MYO5B: variants seen among roughly 807,000 people sequenced by gnomAD.
MYO5B encodes myosin VB, also known as unconventional myosin-Vb.
Under a neutral mutation model 229.3 loss-of-function variants are expected in MYO5B, and 143 were observed. That is an observed-to-expected ratio of 0.62 (90% CI 0.54 to 0.72). The LOEUF (loss-of-function observed/expected upper bound fraction) is 0.72. Ranked by LOEUF, MYO5B falls within the 30% of genes least tolerant of loss-of-function variation. The probability of loss-of-function intolerance (pLI) is 0.00; values close to 1 mark genes in which losing one functional copy is unlikely to be tolerated. For synonymous variants in MYO5B, 918 were observed against 885.2 expected, an observed-to-expected ratio of 1.04 and a Z score of -0.66; for missense variants, 2,321 against 2,331.0, an observed-to-expected ratio of 1.00 and a Z score of 0.09.
rs137974975 is a variant in MYO5B at position 49,906,680 on chromosome 18, T to TA, written c.2203-51dup. The TA allele has an allele frequency of 3.8e-3, 5,717 of 1,502,562 alleles. 190 individuals carry two copies. In the African/African-American group the frequency reaches 0.071, roughly 19 times the overall value. 93.1% of individuals were successfully genotyped at this position (1,502,562 alleles called of 1,614,324 possible). On this transcript the variant is annotated intron_variant, in intron 18 of 39. Coordinates refer to ENST00000285039, the MANE Select transcript of MYO5B (RefSeq NM_001080467.3). ...GGTTGGTCACCAGTGAGCAGAGAAA[T>TA]AACATGGCCCATACCACCCTTGTTC...
intron 1 of MYO5B, among the ~76,000 whole-genome samples, chr18:50,060,498 C>T (rs1238386277): frequency 6.6e-6 from 1 of 152,164 alleles, no homozygotes; most frequent in South Asian, 2.1e-4. Flanking sequence ...TGTCACTATC[C>T]TATTTTAACA....
chr18:50,063,531 A>G (rs2030741225), intron 1 of MYO5B, among the ~76,000 whole-genome samples: 3 of 152,170 alleles, frequency 2.0e-5, no homozygotes, highest in African/African-American at 7.2e-5. Context: ...CATAATATAC[A>G]CAGACGGGGA....
chr18:50,127,338 T>A (rs2032180977), intron 1 of MYO5B, among the ~76,000 whole-genome samples: 1 of 152,200 alleles, frequency 6.6e-6, no homozygotes, highest in African/African-American at 2.4e-5. Flanking sequence ...TGGTCTGTAA[T>A]CCCAGCAGCC....
rs199498650 is a variant in MYO5B, at chr18:49,880,454, C to A, written c.3047G>T (p.Arg1016Leu). Residue 1016 changes from arginine (R) to leucine (L), a missense_variant and splice_region_variant, in exon 23 of 40, where the codon CGA becomes CTA. Coordinates refer to ENST00000285039, the MANE Select transcript of MYO5B (RefSeq NM_001080467.3). ...HSREKDELRK[R>L]VADLEQENAL... ...ATTTTCTTGCTCCAGGTCTGCAACT[C>A]GCTGGAAGAGAGCAATAGGGGAAAA... 1.2e-6 allele frequency: 2 copies of A among 1,613,634 alleles called. No individual in the cohort carries two copies. Among genetic ancestry groups the A allele is most frequent in the South Asian group, 2.2e-5 (2 of 91,058 alleles).
chr18:50,037,047 T>C, intron 3 of MYO5B, 53 bp from the exon 4 acceptor site: 2 of 1,608,868 alleles, frequency 1.2e-6, no homozygotes, highest in Admixed American at 1.7e-5. Flanking sequence ...CACCTGGCAT[T>C]ATTAGCTCAA....
At chr18:50,059,495 G>C (rs755755996) in intron 1 of MYO5B, among the ~76,000 whole-genome samples, 2 of 152,208 alleles carry the variant, frequency 1.3e-5, no homozygotes, top group Non-Finnish European at 2.9e-5. Context: ...CTTCCATGAT[G>C]TTGAAAAGGA....
chr18:50,013,803 T>C (rs906834886), intron 4 of MYO5B, among the ~76,000 whole-genome samples: 1 of 152,190 alleles, frequency 6.6e-6, no homozygotes, highest in African/African-American at 2.4e-5. Flanking sequence ...CTCACTTGCT[T>C]CACAGAGACG....
intron 1 of MYO5B, among the ~76,000 whole-genome samples, chr18:50,122,569 G>A (rs1362730350): frequency 7.4e-6 from 1 of 135,108 alleles, no homozygotes; most frequent in African/African-American, 2.7e-5. Context: ...CTCCAGCCTG[G>A]GGGAGAGGGA....
At chr18:50,030,034 T>G (rs939696839) in intron 4 of MYO5B, among the ~76,000 whole-genome samples, 8 of 152,194 alleles carry the variant, frequency 5.3e-5, no homozygotes, top group African/African-American at 1.9e-4. Flanking sequence ...AACATTATTT[T>G]ATTTAAAACT....
intron 1 of MYO5B, among the ~76,000 whole-genome samples, chr18:50,140,069 G>T (rs919613572): frequency 1.3e-5 from 2 of 152,170 alleles, no homozygotes; most frequent in Admixed American, 6.5e-5. Flanking sequence ...TAACAAAGTG[G>T]CAGCCAATAC....
chr18:50,083,133 A>G (rs565675012), intron 1 of MYO5B, among the ~76,000 whole-genome samples: 13 of 152,236 alleles, frequency 8.5e-5, no homozygotes, highest in Non-Finnish European at 1.3e-4. Flanking sequence ...CATAAAGAAC[A>G]TAATTCAGGA....
At chr18:50,076,960 A>G (rs1340967621) in intron 1 of MYO5B, among the ~76,000 whole-genome samples, 2 of 151,946 alleles carry the variant, frequency 1.3e-5, no homozygotes, top group Non-Finnish European at 2.9e-5. Context: ...TATAAAATAA[A>G]ATTTTGGCAA....
intron 14 of MYO5B, among the ~76,000 whole-genome samples, chr18:49,945,300 C>T (rs910738526): frequency 1.3e-5 from 2 of 152,134 alleles, no homozygotes; most frequent in African/African-American, 2.4e-5. Flanking sequence ...CTCTTCTTTC[C>T]TCTAGGTGTT....
intron 17 of MYO5B, among the ~76,000 whole-genome samples, chr18:49,924,843 C>G (rs1363136892): frequency 1.3e-5 from 2 of 152,186 alleles, no homozygotes; most frequent in Non-Finnish European, 2.9e-5. Flanking sequence ...GCACCCATCC[C>G]TATAGATAAC....
chr18:50,072,251 AAACT>A (rs1468312709), intron 1 of MYO5B, among the ~76,000 whole-genome samples: 2 of 152,226 alleles, frequency 1.3e-5, no homozygotes, highest in African/African-American at 4.8e-5. Flanking sequence ...GAAAAAAAAA[AAACT>A]AACATTTAGC....
intron 11 of MYO5B, among the ~76,000 whole-genome samples, chr18:49,962,618 A>C (rs2025572836): frequency 6.6e-6 from 1 of 152,074 alleles, no homozygotes; most frequent in African/African-American, 2.4e-5. Context: ...GCACTTTAAC[A>C]ATCACCTGAG....
In MYO5B at chr18:49,953,339, T is replaced by A. The variant is rs1341883130; in HGVS notation, c.1673A>T (p.Glu558Val). Residue 558 changes from glutamate (E) to valine (V), a missense_variant, in exon 14 of 40, where the codon GAG (glutamate) becomes GTG (valine). Around this residue, in one of 2 missense-constraint regions of MYO5B, gnomAD observed 2,113 missense variants for 2,044.7 expected, o/e 1.03. Transcript: ENST00000285039. The stretch of plus-strand genomic sequence containing the variant: ...CTCCAGAAAACCATCAGAGAGGTAC[T>A]CCACCTGGGGCCACAGCAACCAGAG... ...FIIVHFADKV[E>V]YLSDGFLEKN... is the part of the protein sequence containing the mutation. 6.2e-7 allele frequency: 1 copy of A among 1,614,098 alleles called. No homozygotes were observed. Among genetic ancestry groups the A allele is most frequent in the South Asian group, 1.1e-5 (1 of 91,078 alleles).
chr18:50,077,321 G>A (rs1009720184), intron 1 of MYO5B, among the ~76,000 whole-genome samples: 8 of 151,980 alleles, frequency 5.3e-5, no homozygotes, highest in African/African-American at 1.9e-4. Context: ...ACATAAACAG[G>A]GTTACAGGAA....
At chr18:50,189,634 CA>C (rs1463863787) in intron 1 of MYO5B, among the ~76,000 whole-genome samples, 2 of 152,312 alleles carry the variant, frequency 1.3e-5, no homozygotes, top group Middle Eastern at 3.4e-3. Context: ...GGAGCACTAA[CA>C]GCATCTGCTG....
Sources: allele counts gnomAD v4.1 joint callset (sites outside exome capture counted in the v4.1 genomes callset), GRCh38; gene constraint gnomAD v4.1.1; regional missense constraint gnomAD v4.1.1; transcripts MANE v1.5; gene names NCBI Gene and HGNC (gene_info 2026-07-23, HGNC 2026-07-21).